Variants in RBL2 observed in about 807,000 individuals in gnomAD.
The protein encoded by RBL2 is retinoblastoma-like protein 2.
RBL2 carries 56 observed loss-of-function variants against 126.0 expected under a neutral mutation model. The observed-to-expected ratio is 0.44, with a 90% confidence interval of 0.36 to 0.56. The LOEUF (loss-of-function observed/expected upper bound fraction) is 0.56. Among genes scored for constraint, RBL2 ranks in the 20% least tolerant of loss-of-function variants. The probability of loss-of-function intolerance (pLI) is 0.00; values close to 1 mark genes in which losing one functional copy is unlikely to be tolerated. For synonymous variants in RBL2, 454 were observed against 478.5 expected, an observed-to-expected ratio of 0.95 and a Z score of 0.67; for missense variants, 1,229 against 1,398.2, an observed-to-expected ratio of 0.88 and a Z score of 1.93.
At chr16:53,446,297 T>C (rs76857363) in intron 3 of RBL2, among the ~76,000 whole-genome samples, 1,931 of 151,286 alleles carry the variant, frequency 0.013, 50 homozygotes, top group African/African-American at 0.045. Flanking sequence ...CCAAGTAGAG[T>C]AATCTTTTGA....
In RBL2 at chr16:53,434,599, C is replaced by G. The variant is rs558958436; in HGVS notation, c.43C>G (p.Pro15Ala). Residue 15 changes from proline (P) to alanine (A), a missense_variant, in exon 1 of 22, where the codon CCT (proline) becomes GCT (alanine). By Grantham distance (27) the Pro-to-Ala change is conservative. Coordinates refer to ENST00000262133, the MANE Select transcript of RBL2 (RefSeq NM_005611.4). The part of the protein sequence containing the change: ...GDQSPPPPPP[P>A]PAAAASDEEE... ...CCAGTCGCCACCGCCCCCGCCTCCC[C>G]CTCCGGCGGCGGCAGCCTCGGATGA... is the stretch of plus-strand genomic sequence containing the variant. The G allele has an allele frequency of 2.0e-4, 312 of 1,549,890 alleles. 4 individuals carry two copies. In the South Asian group the frequency reaches 3.5e-3, roughly 17 times the overall value.
Position 53,444,419 on chromosome 16 carries a change from G to T in RBL2, c.572+1561G>T, listed in dbSNP as rs2058043305. ...AATAAAAAAATTAGCGGGGTGTGGT[G>T]GTGGGTGCCTGTAATCCCAGCTACT... On this transcript the variant is annotated intron_variant, in intron 3 of 21. Transcript: ENST00000262133. Among the ~76,000 whole-genome samples the T allele has an allele frequency of 2.0e-5, 3 of 151,906 alleles. No homozygotes were observed. In the South Asian group the frequency reaches 6.2e-4, roughly 32 times the overall value.
chr16:53,483,039 A>T (rs1331057299), intron 21 of RBL2, among the ~76,000 whole-genome samples: 12 of 151,312 alleles, frequency 7.9e-5, no homozygotes, highest in African/African-American at 2.4e-4. Flanking sequence ...TTTTTTTTTA[A>T]AAGTTTCTTT....
At chr16:53,449,851 A>C (rs995590819) in intron 4 of RBL2, among the ~76,000 whole-genome samples, 2 of 151,856 alleles carry the variant, frequency 1.3e-5, no homozygotes, top group African/African-American at 4.8e-5. Flanking sequence ...TAAGGTCAGG[A>C]TTTGAAATAG....
At position 53,470,489 on chromosome 16, in the gene RBL2, C is replaced by G. The variant is rs1480796741; in HGVS notation, c.2352C>G (p.Ala784=). 6.2e-7 allele frequency: 1 copy of G among 1,614,144 alleles called. No homozygotes were observed. Among genetic ancestry groups the G allele is most frequent in the Non-Finnish European group, 8.5e-7 (1 of 1,180,028 alleles). Residue 784 remains alanine, a synonymous_variant, in exon 16 of 22, where the codon GCC becomes GCG. Transcript: ENST00000262133. The part of the protein sequence containing the change: ...TGSIQPLSAQ[A]LAGSLSSQQV... ...CCATCCAGCCCCTCAGTGCTCAGGC[C>G]CTGGCTGGAAGTCTGAGCTCTCAAC...
Position 53,470,363 on chromosome 16 carries a change from C to T in RBL2, c.2246-20C>T, listed in dbSNP as rs764571302. 30 of 1,603,802 alleles carry T rather than the reference C, an allele frequency of 1.9e-5. No individual in the cohort carries two copies. The African/African-American group carries it at 2.3e-4, about 12-fold the overall frequency. ...TCTTATTATCAACATTTTCTTCATG[C>T]TTTTTTTCTCTGTCACTAGGTATTG... On this transcript the variant is annotated intron_variant, in intron 15 of 21. Transcript: ENST00000262133.
chr16:53,452,499 C>G (rs1386704592), intron 5 of RBL2, among the ~76,000 whole-genome samples: 1 of 152,120 alleles, frequency 6.6e-6, no homozygotes, highest in African/African-American at 2.4e-5. Context: ...TTCAGCTTGT[C>G]TATCAAGGTA....
intron 4 of RBL2, among the ~76,000 whole-genome samples, chr16:53,448,025 T>C (rs190732111): frequency 3.9e-5 from 6 of 152,366 alleles, no homozygotes; most frequent in African/African-American, 1.2e-4. Context: ...CTTTCTTCTG[T>C]ATACTATGTG....
intron 1 of RBL2, among the ~76,000 whole-genome samples, chr16:53,435,188 C>T (rs1277691035): frequency 6.6e-6 from 1 of 152,164 alleles, no homozygotes; most frequent in Non-Finnish European, 1.5e-5. Flanking sequence ...CCGCGATTAA[C>T]CGGGTTGTGG....
intron 21 of RBL2, chr16:53,488,665 A>G (rs1961272637): frequency 6.6e-6 from 1 of 152,232 alleles, no homozygotes; most frequent in Non-Finnish European, 1.5e-5. Flanking sequence ...AATAATTATC[A>G]AATACTATAC....
At chr16:53,440,367 C>A (rs2058003312) in intron 2 of RBL2, among the ~76,000 whole-genome samples, 1 of 151,990 alleles carries the variant, frequency 6.6e-6, no homozygotes, top group Admixed American at 6.6e-5. Flanking sequence ...TTTTTTTAAC[C>A]TTTAACTCCA....
Position 53,434,503 on chromosome 16 carries a change from GCTGCGGGCCCGGGCCCTCACCTCA to G in RBL2, c.-52_-29del. On this transcript the variant is annotated 5_prime_UTR_variant, in exon 1 of 22. Coordinates refer to ENST00000262133, the MANE Select transcript of RBL2 (RefSeq NM_005611.4). ...GGGCGGGCGCTTCGCCGTTTGAATGGCTGCGGGCCCGGGCCCTCACCTCACCTGAGGTCCGGCCGCCCAGGGGTG... is the reference window on the plus strand; with the variant it reads ...GGGCGGGCGCTTCGCCGTTTGAATGGCCTGAGGTCCGGCCGCCCAGGGGTG... 7.4e-7 allele frequency: 1 copy of G among 1,342,610 alleles called. No homozygotes were observed. 83.2% of individuals were successfully genotyped at this position (1,342,610 alleles called of 1,614,324 possible).
At chr16:53,451,266 G>T (rs888857562) in intron 4 of RBL2, among the ~76,000 whole-genome samples, 6 of 152,154 alleles carry the variant, frequency 3.9e-5, no homozygotes, top group Middle Eastern at 3.2e-3. Context: ...AGCACTTTGG[G>T]AGGCCAAGGC....
At chr16:53,445,448 T>C (rs1415067110) in intron 3 of RBL2, among the ~76,000 whole-genome samples, 1 of 152,208 alleles carries the variant, frequency 6.6e-6, no homozygotes, top group Non-Finnish European at 1.5e-5. Context: ...ACTGAGCATT[T>C]ACTTTGGGGC....
chr16:53,488,417 AAC>A, intron 21 of RBL2: 1 of 152,302 alleles, frequency 6.6e-6, no homozygotes, highest in Admixed American at 6.5e-5. Context: ...TTTTCAGAGG[AAC>A]AGTTTTATCC....
chr16:53,462,233 G>T (rs2058228304), intron 10 of RBL2, among the ~76,000 whole-genome samples: 1 of 152,130 alleles, frequency 6.6e-6, no homozygotes. Flanking sequence ...AGTAGGTGTG[G>T]ACTAGTAAGC....
In RBL2 at chr16:53,473,751, T is replaced by C. The variant is rs73608325; in HGVS notation, c.2703+2829T>C. ...TGGAAAGCATCTAGTTTTTCACTATTAAAGTATGATAGTAGTTATGGTTTT... is the reference window on the plus strand; with the variant it reads ...TGGAAAGCATCTAGTTTTTCACTATCAAAGTATGATAGTAGTTATGGTTTT... On this transcript the variant is annotated intron_variant, in intron 17 of 21. Transcript: ENST00000262133. Among the ~76,000 whole-genome samples, 981 of 152,210 alleles carry C rather than the reference T, an allele frequency of 6.4e-3. 9 individuals carry two copies. The highest frequency in any genetic ancestry group is 0.022 in the African/African-American group (912 of 41,544).
At chr16:53,441,714 A>G (rs370596444) in intron 2 of RBL2, among the ~76,000 whole-genome samples, 2 of 152,128 alleles carry the variant, frequency 1.3e-5, no homozygotes, top group Admixed American at 1.3e-4. Flanking sequence ...GTGTGAAAAC[A>G]TAGGAAGGAT....
chr16:53,474,818 G>T (rs1279076924), intron 17 of RBL2, among the ~76,000 whole-genome samples: 1 of 152,148 alleles, frequency 6.6e-6, no homozygotes, highest in African/African-American at 2.4e-5. Flanking sequence ...GGTAATAATG[G>T]TCTCATAGAA....
Sources: allele counts gnomAD v4.1 joint callset (sites outside exome capture counted in the v4.1 genomes callset), GRCh38; gene constraint gnomAD v4.1.1; transcripts MANE v1.5; gene names NCBI Gene and HGNC (gene_info 2026-07-23, HGNC 2026-07-21).